ROBO2: variants seen among roughly 807,000 people sequenced by gnomAD.
The protein encoded by ROBO2 is roundabout homolog 2.
ROBO2 carries 53 observed loss-of-function variants against 160.8 expected under a neutral mutation model. The ratio of observed to expected loss-of-function variants is 0.33; its 90% confidence interval spans 0.26 to 0.41. The LOEUF is 0.41. ROBO2 is among the 10% of genes least tolerant of loss of function. ROBO2 has a pLI of 1.00. For synonymous variants in ROBO2, 664 were observed against 611.7 expected (o/e 1.09, Z -1.26); for missense variants, 1,577 against 1,722.4 (o/e 0.92, Z 1.49).
intron 2 of ROBO2, among the ~76,000 whole-genome samples, chr3:76,975,308 C>T (rs1454389319): frequency 6.6e-6 from 1 of 152,022 alleles, no homozygotes; most frequent in Non-Finnish European, 1.5e-5. Flanking sequence ...AGTTCGAGAC[C>T]AGCCTGGCCA....
intron 2 of ROBO2, among the ~76,000 whole-genome samples, chr3:76,659,716 C>T (rs2091738748): frequency 3.3e-5 from 5 of 152,096 alleles, no homozygotes; most frequent in Admixed American, 3.3e-4. Flanking sequence ...AAACAAAGAG[C>T]TTGTTGGGAT....
chr3:75,993,817 A>G (rs1559813574), intron 2 of ROBO2, among the ~76,000 whole-genome samples: 1 of 152,184 alleles, frequency 6.6e-6, no homozygotes, highest in Non-Finnish European at 1.5e-5. Context: ...ACAGGCTTCC[A>G]GAGGCCTGTT....
chr3:77,178,325 C>T (rs927082686), intron 2 of ROBO2, among the ~76,000 whole-genome samples: 4 of 151,952 alleles, frequency 2.6e-5, no homozygotes, highest in African/African-American at 9.7e-5. Flanking sequence ...TGGCAGAATA[C>T]CTCAAATCTC....
intron 2 of ROBO2, among the ~76,000 whole-genome samples, chr3:77,337,092 G>T (rs1422238067): frequency 6.6e-6 from 1 of 152,098 alleles, no homozygotes; most frequent in African/African-American, 2.4e-5. Flanking sequence ...GTAAAGGGTT[G>T]GTTTTCTGTT....
intron 2 of ROBO2, among the ~76,000 whole-genome samples, chr3:76,599,583 T>C (rs536004568): frequency 8.5e-5 from 13 of 152,326 alleles, no homozygotes; most frequent in African/African-American, 3.1e-4. Context: ...TATTGCTGGT[T>C]CAAATGTTAT....
intron 2 of ROBO2, among the ~76,000 whole-genome samples, chr3:76,003,338 A>G (rs1239589116): frequency 6.6e-6 from 1 of 152,174 alleles, no homozygotes; most frequent in African/African-American, 2.4e-5. Context: ...ACTGTCATAG[A>G]TTATACCAGC....
At chr3:76,744,767 A>T (rs980395535) in intron 2 of ROBO2, among the ~76,000 whole-genome samples, 3 of 84,124 alleles carry the variant, frequency 3.6e-5, no homozygotes, top group African/African-American at 1.8e-4. Context: ...AATCTACTAA[A>T]AACTCAAATT....
chr3:76,322,989 C>G (rs1274162624), intron 2 of ROBO2, among the ~76,000 whole-genome samples: 2 of 152,192 alleles, frequency 1.3e-5, no homozygotes, highest in African/African-American at 4.8e-5. Flanking sequence ...AATTATCTGA[C>G]TTCTGTGATT....
chr3:76,235,804 G>A (rs1460109085), intron 2 of ROBO2, among the ~76,000 whole-genome samples: 1 of 152,146 alleles, frequency 6.6e-6, no homozygotes, highest in Non-Finnish European at 1.5e-5. Context: ...TTTAAAAACA[G>A]GGGCATTTTG....
intron 2 of ROBO2, among the ~76,000 whole-genome samples, chr3:76,819,091 G>A (rs1048889231): frequency 4.6e-5 from 7 of 151,962 alleles, no homozygotes; most frequent in African/African-American, 1.4e-4. Flanking sequence ...TGCCTGTTAC[G>A]GGAAGGGCAA....
intron 9 of ROBO2, among the ~76,000 whole-genome samples, chr3:77,562,157 G>T (rs913156245): frequency 1.3e-5 from 2 of 152,086 alleles, no homozygotes; most frequent in African/African-American, 4.8e-5. Flanking sequence ...TCTTTCAAAA[G>T]AAAGAAAGTG....
At chr3:76,777,196 C>CT (rs941460188) in intron 2 of ROBO2, among the ~76,000 whole-genome samples, 4 of 151,094 alleles carry the variant, frequency 2.6e-5, no homozygotes, top group Non-Finnish European at 5.9e-5. Flanking sequence ...AACTGCTAGC[C>CT]TGCCATTTTA....
At chr3:77,300,672 A>G (rs1483464668) in intron 2 of ROBO2, among the ~76,000 whole-genome samples, 1 of 151,818 alleles carries the variant, frequency 6.6e-6, no homozygotes, top group Non-Finnish European at 1.5e-5. Context: ...TTTTAAATAA[A>G]CTCTATGACT....
At chr3:76,946,387 T>G (rs1351547730) in intron 2 of ROBO2, among the ~76,000 whole-genome samples, 5 of 152,098 alleles carry the variant, frequency 3.3e-5, no homozygotes, top group Admixed American at 2.0e-4. Flanking sequence ...TGTGTAGGGC[T>G]CCCAGATTCT....
intron 2 of ROBO2, among the ~76,000 whole-genome samples, chr3:77,178,004 G>C (rs1449294033): frequency 1.3e-5 from 2 of 152,004 alleles, no homozygotes; most frequent in Admixed American, 1.3e-4. Flanking sequence ...TAGGTTCAAA[G>C]AGAGAGCAGT....
chr3:77,310,158 G>A (rs62251212), intron 2 of ROBO2, among the ~76,000 whole-genome samples: 12 of 152,130 alleles, frequency 7.9e-5, no homozygotes, highest in South Asian at 2.1e-4. Flanking sequence ...AATGGATCAC[G>A]TATCAAATTT....
chr3:76,661,788 T>G (rs545196580), intron 2 of ROBO2, among the ~76,000 whole-genome samples: 1 of 152,300 alleles, frequency 6.6e-6, no homozygotes, highest in East Asian at 1.9e-4. Context: ...TCTTATCACC[T>G]TAAAAGGTGT....
intron 2 of ROBO2, among the ~76,000 whole-genome samples, chr3:76,141,621 GGCT>G (rs998062971): frequency 2.6e-5 from 4 of 151,764 alleles, no homozygotes; most frequent in African/African-American, 9.7e-5. Context: ...TAATTATTTA[GGCT>G]TCATGTGATA....
intron 2 of ROBO2, among the ~76,000 whole-genome samples, chr3:76,078,696 ATTG>A (rs949798943): frequency 4.0e-5 from 6 of 151,840 alleles, no homozygotes; most frequent in Non-Finnish European, 8.8e-5. Context: ...ACAATATCAA[ATTG>A]TTCAATATCT....
Sources: allele counts gnomAD v4.1 joint callset (sites outside exome capture counted in the v4.1 genomes callset), GRCh38; gene constraint gnomAD v4.1.1; transcripts MANE v1.5; gene names NCBI Gene and HGNC (gene_info 2026-07-23, HGNC 2026-07-21).